STAG1: variants seen among roughly 807,000 people sequenced by gnomAD.
STAG1 encodes cohesin subunit SA-1.
In STAG1, 26 loss-of-function variants were observed where a neutral mutation model predicts 170.9. The ratio of observed to expected loss-of-function variants is 0.15; its 90% CI spans 0.11 to 0.21. The LOEUF (loss-of-function observed/expected upper bound fraction) is 0.21. Among genes scored for constraint, STAG1 ranks in the 10% least tolerant of loss-of-function variants. The pLI, the probability that STAG1 is intolerant of heterozygous loss-of-function variation, is 1.00. For missense variants in STAG1, 964 were observed against 1,509.5 expected (o/e 0.64, Z 5.99); for synonymous variants, 514 against 497.7 (o/e 1.03, Z -0.44).
At chr3:136,564,651 A>T (rs1331587580) in intron 5 of STAG1, among the ~76,000 whole-genome samples, 5 of 152,142 alleles carry the variant, frequency 3.3e-5, no homozygotes, top group East Asian at 1.9e-4. Flanking sequence ...TGCCCCTTCA[A>T]CAAAAATGTT....
At chr3:136,584,671 T>C (rs1400942418) in intron 4 of STAG1, among the ~76,000 whole-genome samples, 1 of 152,258 alleles carries the variant, frequency 6.6e-6, no homozygotes, top group Non-Finnish European at 1.5e-5. Context: ...TTTCTACTTC[T>C]GTAGGTCTGA....
chr3:136,718,512 TA>T, intron 1 of STAG1, among the ~76,000 whole-genome samples: 1 of 152,370 alleles, frequency 6.6e-6, no homozygotes, highest in East Asian at 1.9e-4. Context: ...ACTTGTATTT[TA>T]TTATTTTTTA....
chr3:136,720,720 C>T (rs1303583456), intron 1 of STAG1, among the ~76,000 whole-genome samples: 1 of 151,678 alleles, frequency 6.6e-6, no homozygotes, highest in Non-Finnish European at 1.5e-5. Flanking sequence ...ACTCAGGAGG[C>T]GGAGGTTGCA....
chr3:136,606,606 T>C (rs1024748558), intron 3 of STAG1, among the ~76,000 whole-genome samples: 1 of 152,168 alleles, frequency 6.6e-6, no homozygotes, highest in African/African-American at 2.4e-5. Context: ...TTTCTCAGAT[T>C]CTCCTGGTTT....
chr3:136,603,875 A>T (rs1269055500), intron 4 of STAG1, among the ~76,000 whole-genome samples: 1 of 152,096 alleles, frequency 6.6e-6, no homozygotes, highest in African/African-American at 2.4e-5. Context: ...CAACAGAGCC[A>T]GACTCTGTCT....
At chr3:136,623,333 T>C (rs554457427) in intron 2 of STAG1, 85 bp from the exon 3 acceptor site, 24 of 1,224,504 alleles carry the variant, frequency 2.0e-5, no homozygotes, top group African/African-American at 6.1e-5. Flanking sequence ...ACCTGCTATA[T>C]GGCTGATTAG....
At chr3:136,417,804 A>G in intron 21 of STAG1, 81 bp downstream of exon 21, 1 of 1,028,354 alleles carries the variant, frequency 9.7e-7, no homozygotes, top group East Asian at 2.4e-5. Context: ...ATTACTTTCT[A>G]TAAAAGGCTT....
chr3:136,549,658 G>GTTTTTT, intron 5 of STAG1, among the ~76,000 whole-genome samples: 1 of 144,574 alleles, frequency 6.9e-6, no homozygotes, highest in Non-Finnish European at 1.5e-5. Context: ...CACTTCTTCC[G>GTTTTTT]TTTTTTTTTT....
chr3:136,622,413 T>C (rs572168318), intron 3 of STAG1, among the ~76,000 whole-genome samples: 3 of 151,728 alleles, frequency 2.0e-5, no homozygotes, highest in Admixed American at 6.6e-5. Flanking sequence ...AAAAATAACA[T>C]AGGATGGAAA....
At chr3:136,590,784 A>G (rs921772897) in intron 4 of STAG1, among the ~76,000 whole-genome samples, 1 of 152,188 alleles carries the variant, frequency 6.6e-6, no homozygotes, top group African/African-American at 2.4e-5. Flanking sequence ...TGGAGACACT[A>G]TGGGTTATAA....
intron 28 of STAG1, among the ~76,000 whole-genome samples, chr3:136,357,191 G>A (rs1176857425): frequency 2.6e-5 from 4 of 151,902 alleles, no homozygotes; most frequent in South Asian, 2.1e-4. Context: ...CTTGTGATCC[G>A]CCCGTCTCGG....
At chr3:136,543,972 G>A (rs1936028380) in intron 5 of STAG1, among the ~76,000 whole-genome samples, 1 of 152,102 alleles carries the variant, frequency 6.6e-6, no homozygotes, top group Admixed American at 6.6e-5. Flanking sequence ...AGTTCTACAG[G>A]AAGTCAGATT....
rs569040591 is a variant in STAG1, at chr3:136,391,051, C to T, written c.2277+7698G>A. 1.1e-4 allele frequency among the ~76,000 whole-genome samples: 16 copies of T among 152,260 alleles called. No homozygotes were observed. The East Asian group carries it at 2.7e-3, about 26-fold the overall frequency. ...CAAGTTGGAATTTTCAGAGGAGAAC[C>T]TTTAGTCAAGACAGTGATGGAAGGA... On this transcript the variant is annotated intron_variant, in intron 22 of 33. Coordinates refer to ENST00000383202, the MANE Select transcript of STAG1 (RefSeq NM_005862.3).
chr3:136,656,231 A>G (rs2107860490), intron 1 of STAG1, among the ~76,000 whole-genome samples: 1 of 152,236 alleles, frequency 6.6e-6, no homozygotes. Context: ...AATTAAATTC[A>G]TAGGAACAGA....
intron 1 of STAG1, chr3:136,736,642 C>T (rs1576831122): frequency 1.2e-6 from 2 of 1,603,944 alleles, no homozygotes; most frequent in Non-Finnish European, 8.5e-7. Flanking sequence ...CACTCTCTTT[C>T]CCGTTTGGCT....
chr3:136,732,249 A>AC (rs1385138833), intron 1 of STAG1, among the ~76,000 whole-genome samples: 6 of 151,614 alleles, frequency 4.0e-5, no homozygotes, highest in Non-Finnish European at 8.8e-5. Flanking sequence ...AAAAAAAAAA[A>AC]AAAAAAAAAA....
chr3:136,497,359 A>G (rs533209687), intron 9 of STAG1, among the ~76,000 whole-genome samples: 7 of 152,292 alleles, frequency 4.6e-5, no homozygotes, highest in African/African-American at 1.7e-4. Flanking sequence ...ATCACATACA[A>G]CCATATATAG....
intron 13 of STAG1, among the ~76,000 whole-genome samples, chr3:136,463,026 A>G (rs913071248): frequency 6.6e-6 from 1 of 152,178 alleles, no homozygotes; most frequent in African/African-American, 2.4e-5. Flanking sequence ...AATAGAGACT[A>G]ATTAGAATAA....
chr3:136,436,433 C>T (rs2088464688), intron 15 of STAG1, among the ~76,000 whole-genome samples: 1 of 151,974 alleles, frequency 6.6e-6, no homozygotes, highest in African/African-American at 2.4e-5. Context: ...AGGCATGTAC[C>T]ACCACGCCCA....
Sources: gnomAD v4.1 joint callset for allele counts (sites outside exome capture counted in the v4.1 genomes callset) on GRCh38, gnomAD v4.1.1 for gene constraint, MANE v1.5 for transcripts, NCBI Gene and HGNC (gene_info 2026-07-23, HGNC 2026-07-21) for gene names.